RAD21: variants seen among roughly 807,000 people sequenced by gnomAD.
RAD21 encodes the protein double-strand-break repair protein rad21 homolog.
A neutral mutation model predicts 71.5 loss-of-function variants in RAD21; 18 were observed. The ratio of observed to expected loss-of-function variants is 0.25; its 90% CI spans 0.17 to 0.37. RAD21 has a LOEUF of 0.37. Ranked by LOEUF, RAD21 falls within the 10% of genes least tolerant of loss-of-function variation. The pLI is 1.00. For synonymous variants in RAD21, 248 were observed against 254.0 expected (o/e 0.98, Z 0.22); for missense variants, 493 against 769.1 (o/e 0.64, Z 4.25).
intron 3 of RAD21, among the ~76,000 whole-genome samples, chr8:116,862,627 A>G (rs1364499342): frequency 1.3e-5 from 2 of 152,098 alleles, no homozygotes; most frequent in Non-Finnish European, 2.9e-5. Flanking sequence ...AATTATAGAA[A>G]GATATGTGAA....
intron 13 of RAD21, among the ~76,000 whole-genome samples, chr8:116,848,561 C>T (rs535638388): frequency 9.9e-5 from 15 of 152,170 alleles, no homozygotes; most frequent in African/African-American, 3.1e-4. Flanking sequence ...TCTGATGCTA[C>T]ACAATGACCC....
chr8:116,864,610 CAG>C lies in RAD21; in HGVS notation c.145-1353_145-1352del, dbSNP rs16893994. Among the ~76,000 whole-genome samples, 1,482 of 152,008 alleles carry C rather than the reference CAG, an allele frequency of 9.7e-3. 8 individuals are homozygous for C. The highest frequency in any genetic ancestry group is 0.015 in the Non-Finnish European group (1,005 of 67,934). On this transcript the variant is annotated intron_variant, in intron 2 of 13. Transcript: ENST00000297338. ...TAAAATGTTGCTCCTAATGGAAAAA[CAG>C]AATCTATTTTTATGTGGTGTTATAA...
chr8:116,857,206 A>G lies in RAD21; in HGVS notation c.688+61T>C, dbSNP rs1374036807. 6.1e-6 allele frequency: 9 copies of G among 1,463,896 alleles called. No homozygotes were observed. The Admixed American group carries it at 1.1e-4, about 18-fold the overall frequency. The allele number at this position is 1,463,896 out of a possible 1,614,324, so 90.7% of individuals were successfully genotyped here. A position where few individuals can be genotyped will look rare whatever the true frequency, so the allele number is the denominator to read the frequency against. On this transcript the variant is annotated intron_variant, in intron 6 of 13. Transcript: ENST00000297338. Reference sequence around the variant, plus strand: ...GACTCAGAATTAGCAACTGTTTCCAAAACTTTACAACTTAATAAAGAAATT... The same window carrying G: ...GACTCAGAATTAGCAACTGTTTCCAGAACTTTACAACTTAATAAAGAAATT...
chr8:116,862,732 G>A (rs967653987), intron 3 of RAD21, among the ~76,000 whole-genome samples: 5 of 151,992 alleles, frequency 3.3e-5, no homozygotes, highest in African/African-American at 7.2e-5. Context: ...AAAAAACTAC[G>A]AAGAATATTT....
chr8:116,870,074 A>T (rs905773467), intron 1 of RAD21, among the ~76,000 whole-genome samples: 1 of 152,202 alleles, frequency 6.6e-6, no homozygotes, highest in African/African-American at 2.4e-5. Context: ...CATTTCCATC[A>T]CTTAAGAGTA....
At chr8:116,870,191 G>A (rs1163275427) in intron 1 of RAD21, among the ~76,000 whole-genome samples, 1 of 152,092 alleles carries the variant, frequency 6.6e-6, no homozygotes, top group East Asian at 1.9e-4. Flanking sequence ...TTTGTCAACT[G>A]TCTAATGTTG....
At chr8:116,850,474 A>T in intron 12 of RAD21, 144 bp downstream of exon 12, 3 of 1,331,426 alleles carry the variant, frequency 2.3e-6, no homozygotes, top group Non-Finnish European at 3.1e-6. Flanking sequence ...CAATACCACG[A>T]AGAATATGGT....
chr8:116,871,052 T>A (rs1812812207), intron 1 of RAD21, among the ~76,000 whole-genome samples: 1 of 152,116 alleles, frequency 6.6e-6, no homozygotes, highest in Non-Finnish European at 1.5e-5. Flanking sequence ...GGGAAACAAT[T>A]AGCAAGAGGA....
In RAD21 at chr8:116,854,476, GATA is replaced by G; in HGVS notation, c.938-11_938-9del. On this transcript the variant is annotated splice_polypyrimidine_tract_variant and intron_variant, in intron 8 of 13. Transcript: ENST00000297338. Reference sequence around the variant, plus strand: ...TGGCTTTTGTTTCTTTAACTGGAATGATAATAAAAAATAAGATCATTTTCCTGA... The same window carrying G: ...TGGCTTTTGTTTCTTTAACTGGAATGATAAAAAATAAGATCATTTTCCTGA... The G allele has an allele frequency of 6.2e-7, 1 of 1,601,158 alleles. No individual in the cohort carries two copies.
intron 1 of RAD21, among the ~76,000 whole-genome samples, chr8:116,872,888 T>C (rs1812861636): frequency 6.6e-6 from 1 of 152,224 alleles, no homozygotes. Context: ...CCAAGAGTTT[T>C]ACAATCAGAC....
rs1165595723 is a variant in RAD21 at position 116,846,560 on chromosome 8, A to AGG, written c.*939_*940insCC. 2 of 228,970 alleles carry AGG rather than the reference A, an allele frequency of 8.7e-6. No individual in the cohort carries two copies. Among genetic ancestry groups the AGG allele is most frequent in the Non-Finnish European group, 1.7e-5 (2 of 115,206 alleles). The allele number at this position is 228,970 out of a possible 1,614,324, so 14.2% of individuals were successfully genotyped here. A position where few individuals can be genotyped will look rare whatever the true frequency, so the allele number is the denominator to read the frequency against. ...GGAGATCAGTACTAAAACTTACAAT[A>AGG]AATATCAGAGAAGCCGTTAGTTTTT... On this transcript the variant is annotated 3_prime_UTR_variant, in exon 14 of 14. Transcript: ENST00000297338.
intron 5 of RAD21, among the ~76,000 whole-genome samples, chr8:116,857,975 A>ACC (rs919644990): frequency 4.9e-4 from 74 of 152,174 alleles, no homozygotes; most frequent in African/African-American, 1.7e-3. Flanking sequence ...CACAGCAGAG[A>ACC]CCCCGCCTCT....
At chr8:116,857,184 T>G (rs1466850294) in intron 6 of RAD21, 83 bp downstream of exon 6, 1 of 1,218,134 alleles carries the variant, frequency 8.2e-7, no homozygotes, top group African/African-American at 1.5e-5. Context: ...TGTTCAAGAC[T>G]CAGAATTAGC....
At chr8:116,864,076 C>G (rs1812644435) in intron 2 of RAD21, among the ~76,000 whole-genome samples, 1 of 151,844 alleles carries the variant, frequency 6.6e-6, no homozygotes, top group South Asian at 2.1e-4. Flanking sequence ...AAAATATACT[C>G]CCAACCTTTT....
rs762827934 is a variant in RAD21 at position 116,847,672 on chromosome 8, C to G, written c.1724G>C (p.Gly575Ala). Reference protein sequence around the residue: ...HGLQRALAKTGAESISLLELC... With the variant: ...HGLQRALAKTAAESISLLELC... Reference sequence around the variant, plus strand: ...CTCAAGCAAACTGATAGATTCAGCTCCAGTTTTAGCAAGAGCACGCTGAAA... The same window carrying G: ...CTCAAGCAAACTGATAGATTCAGCTGCAGTTTTAGCAAGAGCACGCTGAAA... The change falls in exon 14 of 14, where the codon GGA (glycine) becomes GCA (alanine). Residue 575 changes from glycine to alanine, a missense_variant. Physicochemically the swap from Gly to Ala is moderately conservative, Grantham distance 60. This residue lies in a region of RAD21 where 225 missense variants were observed against 218.3 expected (regional missense o/e 1.03). Coordinates refer to ENST00000297338, the MANE Select transcript of RAD21 (RefSeq NM_006265.3). 4.8e-5 allele frequency: 78 copies of G among 1,612,978 alleles called. No homozygotes were observed. Among genetic ancestry groups the G allele is most frequent in the Non-Finnish European group, 6.1e-5 (72 of 1,179,618 alleles).
At position 116,846,965 on chromosome 8, in the gene RAD21, C is replaced by T. The variant is rs889335899; in HGVS notation, c.*535G>A. On this transcript the variant is annotated 3_prime_UTR_variant, in exon 14 of 14. Transcript: ENST00000297338. ...CACCTCTGCTCATTATGGAATTACA[C>T]TTAAAACGAATCTCAAGAGGGTGAC... 15 of 216,298 alleles carry T rather than the reference C, an allele frequency of 6.9e-5. No homozygotes were observed. Among genetic ancestry groups the T allele is most frequent in the Non-Finnish European group, 1.3e-4 (14 of 107,482 alleles). The allele number at this position is 216,298 out of a possible 1,614,324, so 13.4% of individuals were successfully genotyped here.
intron 1 of RAD21, among the ~76,000 whole-genome samples, chr8:116,867,915 T>C (rs557483436): frequency 7.4e-4 from 112 of 152,360 alleles, no homozygotes; most frequent in African/African-American, 2.6e-3. Context: ...CATATGCAGA[T>C]GTGTATAATC....
chr8:116,872,523 GAT>G (rs1003032659), intron 1 of RAD21, among the ~76,000 whole-genome samples: 1 of 141,324 alleles, frequency 7.1e-6, no homozygotes. Context: ...TGTACTGTTT[GAT>G]ATATATATAT....
chr8:116,860,264 AAAC>A (rs1812562583), intron 4 of RAD21, among the ~76,000 whole-genome samples: 1 of 152,218 alleles, frequency 6.6e-6, no homozygotes, highest in Non-Finnish European at 1.5e-5. Flanking sequence ...AATATTGCTG[AAAC>A]AACTACAAAG....
Sources: gnomAD v4.1 joint callset for allele counts (sites outside exome capture counted in the v4.1 genomes callset) on GRCh38, gnomAD v4.1.1 for gene constraint, gnomAD v4.1.1 regional missense constraint, MANE v1.5 for transcripts, NCBI Gene and HGNC (gene_info 2026-07-23, HGNC 2026-07-21) for gene names.